The following OPRK1 variants were observed in gnomAD, a reference collection of about 807,000 sequenced individuals.
The protein encoded by OPRK1 is kappa-type opioid receptor.
OPRK1 carries 15 observed loss-of-function variants against 24.5 expected under a neutral mutation model. That is an observed-to-expected ratio of 0.61 (90% confidence interval 0.41 to 0.94). The LOEUF (loss-of-function observed/expected upper bound fraction) is 0.94. Ranked by LOEUF, OPRK1 falls within the 40% of genes least tolerant of loss-of-function variation. The probability of loss-of-function intolerance (pLI) is 0.00; values close to 1 mark genes in which losing one functional copy is unlikely to be tolerated. For synonymous variants in OPRK1, 205 were observed against 198.0 expected (o/e 1.04, Z -0.30); for missense variants, 479 against 507.3 (o/e 0.94, Z 0.54).
intron 2 of OPRK1, among the ~76,000 whole-genome samples, chr8:53,242,095 C>T (rs1025562534): frequency 2.0e-5 from 3 of 152,310 alleles, no homozygotes; most frequent in African/African-American, 4.8e-5. Flanking sequence ...GGATGCCTAG[C>T]GGTATATGGA....
intron 2 of OPRK1, among the ~76,000 whole-genome samples, chr8:53,245,853 G>A (rs1316713923): frequency 6.6e-6 from 1 of 152,070 alleles, no homozygotes; most frequent in Non-Finnish European, 1.5e-5. Flanking sequence ...TCTGAAAATG[G>A]GGCCTGATCC....
intron 2 of OPRK1, among the ~76,000 whole-genome samples, chr8:53,250,473 TTGCCC>T (rs1807348156): frequency 6.6e-6 from 1 of 152,202 alleles, no homozygotes; most frequent in Non-Finnish European, 1.5e-5. Flanking sequence ...CCCTGGCACC[TTGCCC>T]TGCGCATAGA....
At chr8:53,236,187 C>A (rs1806992156) in intron 2 of OPRK1, among the ~76,000 whole-genome samples, 2 of 152,186 alleles carry the variant, frequency 1.3e-5, no homozygotes, top group Non-Finnish European at 2.9e-5. Context: ...AGCTCTTGCT[C>A]CTCTTGGAGG....
intron 2 of OPRK1, among the ~76,000 whole-genome samples, chr8:53,248,019 A>T (rs1022987391): frequency 7.0e-6 from 1 of 141,914 alleles, no homozygotes; most frequent in Non-Finnish European, 1.5e-5. Flanking sequence ...AAAAAAAAAA[A>T]GAATCCTGAG....
At chr8:53,232,260 G>GATC (rs1806872803) in intron 3 of OPRK1, among the ~76,000 whole-genome samples, 2 of 152,098 alleles carry the variant, frequency 1.3e-5, no homozygotes, top group South Asian at 4.2e-4. Flanking sequence ...TGTGGGGAGG[G>GATC]GGATATACAG....
chr8:53,250,939 C>A lies in OPRK1; in HGVS notation c.99G>T (p.Trp33Cys), dbSNP rs549074768. The change falls in exon 2 of 4, where the codon TGG becomes TGT. Residue 33 changes from tryptophan (W) to cysteine (C), a missense_variant. Transcript: ENST00000265572. ...CGCTGCCGTTGCTGTCGGGCTCGGC[C>A]CAGCCGGGAAACCAGGCGCTGCTGT... ...PPNSSAWFPG[W>C]AEPDSNGSAG... is the part of the protein sequence containing the mutation. The A allele has an allele frequency of 6.2e-7, 1 of 1,610,940 alleles. No individual in the cohort carries two copies. Among genetic ancestry groups the A allele is most frequent in the South Asian group, 1.1e-5 (1 of 90,858 alleles).
intron 2 of OPRK1, among the ~76,000 whole-genome samples, chr8:53,249,740 G>A (rs1246901563): frequency 6.6e-6 from 1 of 151,976 alleles, no homozygotes; most frequent in Non-Finnish European, 1.5e-5. Context: ...ATAAATAAAT[G>A]GCCTGTTTCA....
chr8:53,235,737 G>T (rs900684977), intron 2 of OPRK1, among the ~76,000 whole-genome samples: 8 of 152,140 alleles, frequency 5.3e-5, no homozygotes, highest in Admixed American at 1.3e-4. Flanking sequence ...ACTAAGCATA[G>T]TATGGTACAG....
At chr8:53,250,561 C>T (rs549137759) in intron 2 of OPRK1, among the ~76,000 whole-genome samples, 1 of 152,252 alleles carries the variant, frequency 6.6e-6, no homozygotes. Flanking sequence ...CGCCCCTGGC[C>T]GCTCGGATTC....
Position 53,228,932 on chromosome 8 carries a change from C to A in OPRK1, c.*365G>T, listed in dbSNP as rs1238519756. The stretch of plus-strand genomic sequence containing the variant: ...CTCTGAAAGCAATGTTTTTTCTTTT[C>A]CTTTTTTCTTAAACCGAGCTTTTGA... On this transcript the variant is annotated 3_prime_UTR_variant, in exon 4 of 4. Coordinates refer to ENST00000265572, the MANE Select transcript of OPRK1 (RefSeq NM_000912.5). 4 of 170,286 alleles carry A rather than the reference C, an allele frequency of 2.3e-5. No individual in the cohort carries two copies. Among genetic ancestry groups the A allele is most frequent in the Non-Finnish European group, 3.8e-5 (3 of 79,286 alleles). 10.5% of individuals were successfully genotyped at this position (170,286 alleles called of 1,614,324 possible). A position where few individuals can be genotyped will look rare whatever the true frequency, so the allele number is the denominator to read the frequency against.
chr8:53,246,173 A>G (rs1585522522), intron 2 of OPRK1, among the ~76,000 whole-genome samples: 1 of 152,314 alleles, frequency 6.6e-6, no homozygotes, highest in Admixed American at 6.5e-5. Context: ...AGAATGCCAG[A>G]GGATGTGGGG....
chr8:53,229,901 A>T (rs528488785), intron 3 of OPRK1, 72 bp from the exon 4 acceptor site: 1 of 1,395,220 alleles, frequency 7.2e-7, no homozygotes, highest in Non-Finnish European at 9.6e-7. Context: ...AAGTGTTTTA[A>T]ATATGAATTT....
chr8:53,251,243 G>A (rs1807390011), intron 1 of OPRK1, 158 bp from the exon 2 acceptor site: 1 of 799,070 alleles, frequency 1.3e-6, no homozygotes, highest in Non-Finnish European at 1.8e-6. Flanking sequence ...TTTCCGGCCA[G>A]CAGGCGCGCC....
rs1308823635 is a variant in OPRK1, at chr8:53,229,838, G to C, written c.611-9C>G. On this transcript the variant is annotated splice_polypyrimidine_tract_variant and intron_variant, in intron 3 of 3. Transcript: ENST00000265572. The stretch of plus-strand genomic sequence containing the variant: ...CTCAATGACATCGACGTCTGGAGGA[G>C]GGCAATAAAAACCACAACACAGAAA... 2.0e-6 allele frequency: 3 copies of C among 1,531,570 alleles called. No individual in the cohort carries two copies. Among genetic ancestry groups the C allele is most frequent in the Non-Finnish European group, 2.6e-6 (3 of 1,141,186 alleles). 94.9% of individuals were successfully genotyped at this position (1,531,570 alleles called of 1,614,324 possible).
intron 2 of OPRK1, among the ~76,000 whole-genome samples, chr8:53,239,493 C>A (rs957596507): frequency 6.6e-6 from 1 of 152,170 alleles, no homozygotes; most frequent in African/African-American, 2.4e-5. Context: ...AGGGTTCCTG[C>A]TGAGGAGTCA....
chr8:53,229,706 C>A lies in OPRK1; in HGVS notation c.734G>T (p.Cys245Phe). Residue 245 changes from cysteine (C) to phenylalanine (F), a missense_variant, in exon 4 of 4, where the codon TGC (cysteine) becomes TTC (phenylalanine). Cys to Phe is a radical substitution (Grantham distance 205). Transcript: ENST00000265572. ...FVIPVLIIIVCYTLMILRLKS... is the reference protein window; with the variant it reads ...FVIPVLIIIVFYTLMILRLKS... ...GAGACGCAGGATCATCAGGGTGTAGCAGACGATGATGATGAGGACAGGGAT... is the reference window on the plus strand; with the variant it reads ...GAGACGCAGGATCATCAGGGTGTAGAAGACGATGATGATGAGGACAGGGAT... The A allele has an allele frequency of 1.9e-6, 3 of 1,614,066 alleles. No individual in the cohort carries two copies. In the South Asian group the frequency reaches 3.3e-5, roughly 18 times the overall value.
At chr8:53,251,209 A>G (rs1807388927) in intron 1 of OPRK1, 124 bp from the exon 2 acceptor site, 1 of 1,105,322 alleles carries the variant, frequency 9.0e-7, no homozygotes, top group Non-Finnish European at 1.2e-6. Flanking sequence ...GGGGCAGGAC[A>G]GGGAGAACGG....
At chr8:53,233,338 G>A (rs990133451) in intron 3 of OPRK1, among the ~76,000 whole-genome samples, 3 of 152,170 alleles carry the variant, frequency 2.0e-5, no homozygotes, top group Admixed American at 2.0e-4. Flanking sequence ...GGGGTAAATG[G>A]AGGTAAATGG....
chr8:53,241,334 T>C (rs763721465), intron 2 of OPRK1, among the ~76,000 whole-genome samples: 2 of 152,176 alleles, frequency 1.3e-5, no homozygotes, highest in Non-Finnish European at 2.9e-5. Context: ...AATTAACTGC[T>C]ATATGCTCTT....
Sources: allele counts gnomAD v4.1 joint callset (sites outside exome capture counted in the v4.1 genomes callset), GRCh38; gene constraint gnomAD v4.1.1; transcripts MANE v1.5; gene names NCBI Gene and HGNC (gene_info 2026-07-23, HGNC 2026-07-21).